Variants in FGD2 observed in about 807,000 individuals in gnomAD.
FGD2 encodes the protein FYVE, RhoGEF and PH domain-containing protein 2.
FGD2 carries 52 observed loss-of-function variants against 75.9 expected under a neutral mutation model. That is an observed-to-expected ratio of 0.69 (90% CI 0.55 to 0.86). The LOEUF (loss-of-function observed/expected upper bound fraction) is 0.86. FGD2 is among the 40% of genes least tolerant of loss of function. The probability of loss-of-function intolerance (pLI) is 0.00; values close to 1 mark genes in which losing one functional copy is unlikely to be tolerated. For synonymous variants in FGD2, 347 were observed against 348.6 expected (o/e 1.00, Z 0.05); for missense variants, 790 against 872.0 (o/e 0.91, Z 1.18).
At position 37,014,888 on chromosome 6, in the gene FGD2, C is replaced by A; in HGVS notation, c.883-4C>A. The A allele has an allele frequency of 6.2e-7, 1 of 1,613,204 alleles. No individual in the cohort carries two copies. The highest frequency in any genetic ancestry group is 8.5e-7 in the Non-Finnish European group (1 of 1,179,496). ...TTGGCTGAGGATGCACCCCAACCCCCTAGGAGCGGCTGCAGGACCTGTGGG... is the reference window on the plus strand; with the variant it reads ...TTGGCTGAGGATGCACCCCAACCCCATAGGAGCGGCTGCAGGACCTGTGGG... On this transcript the variant is annotated splice_polypyrimidine_tract_variant and splice_region_variant and intron_variant, in intron 7 of 15. Transcript: ENST00000274963.
At chr6:37,010,938 C>G (rs777406950) in intron 2 of FGD2, 35 bp from the exon 3 acceptor site, 1 of 1,606,070 alleles carries the variant, frequency 6.2e-7, no homozygotes, top group Admixed American at 1.7e-5. Context: ...TGTCTTCCCC[C>G]TTTTTCTCCT....
intron 4 of FGD2, among the ~76,000 whole-genome samples, chr6:37,012,711 T>TAAA (rs376918197): frequency 3.9e-5 from 5 of 127,316 alleles, no homozygotes; most frequent in African/African-American, 1.5e-4. Flanking sequence ...GACCCTGACT[T>TAAA]AAAAAAAAAA....
chr6:37,022,473 A>C, intron 13 of FGD2, 103 bp downstream of exon 13: 2 of 1,424,848 alleles, frequency 1.4e-6, no homozygotes, highest in Non-Finnish European at 9.2e-7. Flanking sequence ...CGCTTGATCC[A>C]CCTAGGCCTC....
In FGD2 at chr6:37,025,958, C is replaced by T. The variant is rs199824158; in HGVS notation, c.1605+20C>T. 49 of 1,612,980 alleles carry T rather than the reference C, an allele frequency of 3.0e-5. No individual in the cohort carries two copies. The highest frequency in any genetic ancestry group is 1.1e-4 in the African/African-American group (8 of 74,912). On this transcript the variant is annotated intron_variant, in intron 14 of 15. Transcript: ENST00000274963. Reference sequence around the variant, plus strand: ...CTGGAGGTGAGGGCCACTGTCCCCGCGCTCACCATCCGTCCTCTGTTCAGG... The same window carrying T: ...CTGGAGGTGAGGGCCACTGTCCCCGTGCTCACCATCCGTCCTCTGTTCAGG...
intron 14 of FGD2, among the ~76,000 whole-genome samples, chr6:37,027,015 A>T (rs1264963157): frequency 6.6e-6 from 1 of 151,862 alleles, no homozygotes; most frequent in South Asian, 2.1e-4. Flanking sequence ...TGAAAAAAAA[A>T]AAAAAGTTGG....
At chr6:37,008,375 A>G (rs1247632266) in intron 1 of FGD2, among the ~76,000 whole-genome samples, 1 of 152,102 alleles carries the variant, frequency 6.6e-6, no homozygotes, top group Non-Finnish European at 1.5e-5. Flanking sequence ...CGTGTGGAGG[A>G]TGTCGATCCC....
chr6:37,022,093 C>T lies in FGD2; in HGVS notation c.1327-146C>T, dbSNP rs905951071. On this transcript the variant is annotated intron_variant, in intron 12 of 15. Coordinates refer to ENST00000274963, the MANE Select transcript of FGD2 (RefSeq NM_173558.4). The stretch of plus-strand genomic sequence containing the variant: ...ACGTATCATAAGGTCTCGATCAGGT[C>T]AGTCAGCTTGCTGTAGAAGCCCCAG... 1.4e-5 allele frequency: 16 copies of T among 1,104,256 alleles called. No individual in the cohort carries two copies. In the Admixed American group the frequency reaches 5.0e-4, roughly 34 times the overall value. The allele number at this position is 1,104,256 out of a possible 1,614,324, so 68.4% of individuals were successfully genotyped here.
At position 37,005,866 on chromosome 6, in the gene FGD2, A is replaced by C. The variant is rs1561922730; in HGVS notation, c.49A>C (p.Thr17Pro). The C allele has an allele frequency of 6.2e-7, 1 of 1,613,902 alleles. No homozygotes were observed. Among genetic ancestry groups the C allele is most frequent in the East Asian group, 2.2e-5 (1 of 44,884 alleles). The change falls in exon 1 of 16, where the codon ACT (threonine) becomes CCT (proline). Residue 17 changes from threonine to proline, a missense_variant. By Grantham distance (38) the Thr-to-Pro change is conservative (BLOSUM62 -1). Transcript: ENST00000274963. ...GCTGGCATCTGTGTCCAACCTGGTCACTGTGTTTGAGAATAGCAGGTATGG... is the reference window on the plus strand; with the variant it reads ...GCTGGCATCTGTGTCCAACCTGGTCCCTGTGTTTGAGAATAGCAGGTATGG... Reference protein sequence around the residue: ...EKLASVSNLVTVFENSRTPEA... With the variant: ...EKLASVSNLVPVFENSRTPEA...
intron 13 of FGD2, chr6:37,025,138 G>A (rs1444775556): frequency 2.0e-5 from 3 of 152,440 alleles, no homozygotes; most frequent in Admixed American, 2.0e-4. Flanking sequence ...AGCCTTTGGG[G>A]GGTGTCTTCG....
At chr6:37,020,210 T>C (rs1765508110) in intron 9 of FGD2, among the ~76,000 whole-genome samples, 1 of 152,252 alleles carries the variant, frequency 6.6e-6, no homozygotes, top group Non-Finnish European at 1.5e-5. Flanking sequence ...AACGGTATAA[T>C]GAACCTCATA....
At chr6:37,015,061 T>C (rs1213224620) in intron 8 of FGD2, 23 bp downstream of exon 8, 3 of 1,605,742 alleles carry the variant, frequency 1.9e-6, no homozygotes, top group Non-Finnish European at 2.6e-6. Flanking sequence ...TGGGAGCTCC[T>C]CTCCACACTG....
rs1427669214 is a variant in FGD2 at position 37,008,964 on chromosome 6, A to G, written c.199A>G (p.Thr67Ala). ...GGAGGCCGTGGGGTCTGAGCCCAGG[A>G]CAGTCAGCAGGAGGTACCTGAACTC... ...VGEAVGSEPR[T>A]VSRRYLNSLK... The change falls in exon 2 of 16, where the codon ACA becomes GCA. Residue 67 changes from threonine to alanine, a missense_variant. Transcript: ENST00000274963. 1 of 1,614,242 alleles carries G rather than the reference A, an allele frequency of 6.2e-7. No homozygotes were observed. The highest frequency in any genetic ancestry group is 1.1e-5 in the South Asian group (1 of 91,082).
In FGD2 at chr6:37,011,838, C is replaced by A. The variant is rs752588458; in HGVS notation, c.511C>A (p.Arg171=). ...HSQFFLPELQ[R]RLDDWTANPR... is the part of the protein sequence containing the mutation. ...TCAGTTCTTCCTCCCAGAGCTGCAG[C>A]GGCGCCTGGACGACTGGTGAGGTCC... Residue 171 remains arginine, a synonymous_variant, in exon 4 of 16, where the codon CGG becomes AGG. Coordinates refer to ENST00000274963, the MANE Select transcript of FGD2 (RefSeq NM_173558.4). 1 of 1,613,958 alleles carries A rather than the reference C, an allele frequency of 6.2e-7. No homozygotes were observed. Among genetic ancestry groups the A allele is most frequent in the African/African-American group, 1.3e-5 (1 of 75,064 alleles).
At position 37,008,829 on chromosome 6, in the gene FGD2, C is replaced by T. The variant is rs769363763; in HGVS notation, c.69-5C>T. The T allele has an allele frequency of 4.1e-5, 65 of 1,576,832 alleles. No homozygotes were observed. Among genetic ancestry groups the T allele is most frequent in the Non-Finnish European group, 5.5e-5 (64 of 1,158,764 alleles). ...GAAGCCCTCAGGTCTGTCTCTTCTC[C>T]TCAGGACCCCAGAAGCAGCACCCAG... is the stretch of plus-strand genomic sequence containing the variant. On this transcript the variant is annotated splice_region_variant and splice_polypyrimidine_tract_variant and intron_variant, in intron 1 of 15. Coordinates refer to ENST00000274963, the MANE Select transcript of FGD2 (RefSeq NM_173558.4).
rs370812051 is a variant in FGD2, at chr6:37,028,138, C to T, written c.1943C>T (p.Pro648Leu). The change falls in exon 16 of 16, where the codon CCC becomes CTC. Residue 648 changes from proline to leucine, a missense_variant. Transcript: ENST00000274963. ...GCCAGTGGCTGGAGCCCCAGCTGGC[C>T]CAACGATGGGGACCTGTCCGACTGA... ...RAASGWSPSW[P>L]NDGDLSD 5.6e-6 allele frequency: 9 copies of T among 1,602,914 alleles called. No individual in the cohort carries two copies. Among genetic ancestry groups the T allele is most frequent in the Non-Finnish European group, 7.7e-6 (9 of 1,175,116 alleles).
intron 4 of FGD2, among the ~76,000 whole-genome samples, chr6:37,012,493 C>A (rs1765059664): frequency 6.6e-6 from 1 of 151,934 alleles, no homozygotes; most frequent in South Asian, 2.1e-4. Context: ...GGGTGGATCA[C>A]TTGAGCTTAA....
In FGD2 at chr6:37,028,142, C is replaced by T. The variant is rs769696961; in HGVS notation, c.1947C>T (p.Asn649=). 34 of 1,599,296 alleles carry T rather than the reference C, an allele frequency of 2.1e-5. No homozygotes were observed. Among genetic ancestry groups the T allele is most frequent in the African/African-American group, 2.7e-5 (2 of 74,710 alleles). ...GTGGCTGGAGCCCCAGCTGGCCCAA[C>T]GATGGGGACCTGTCCGACTGAGCCA... ...AASGWSPSWP[N]DGDLSD The change falls in exon 16 of 16, where the codon AAC becomes AAT. Residue 649 remains asparagine (N), a synonymous_variant. Transcript: ENST00000274963.
chr6:37,020,496 C>CG (rs1765526059), intron 9 of FGD2, 45 bp from the exon 10 acceptor site: 1 of 1,554,498 alleles, frequency 6.4e-7, no homozygotes, highest in African/African-American at 1.4e-5. Context: ...GCCTGGGACC[C>CG]GGGCTATGAT....
intron 13 of FGD2, 45 bp from the exon 14 acceptor site, chr6:37,025,747 C>G (rs767789132): frequency 1.9e-6 from 3 of 1,609,064 alleles, no homozygotes; most frequent in South Asian, 1.1e-5. Flanking sequence ...CCCAGCCCTC[C>G]GGTGCCTGGT....
Sources: gnomAD v4.1 joint callset for allele counts (sites outside exome capture counted in the v4.1 genomes callset) on GRCh38, gnomAD v4.1.1 for gene constraint, MANE v1.5 for transcripts, NCBI Gene and HGNC (gene_info 2026-07-23, HGNC 2026-07-21) for gene names.